The following AHSP variants were observed in gnomAD, a reference collection of about 807,000 sequenced individuals.
AHSP encodes alpha hemoglobin stabilizing protein.
In AHSP, 5 loss-of-function variants were observed where a neutral mutation model predicts 2.7. The observed-to-expected ratio is 1.86, with a 90% CI of 0.97 to 3.92. The LOEUF (loss-of-function observed/expected upper bound fraction) is 3.92, where lower values mean the gene tolerates loss of function less well. AHSP is among the 30% of genes most tolerant of loss of function. The probability of loss-of-function intolerance (pLI) is 0.00; values close to 1 mark genes in which losing one functional copy is unlikely to be tolerated. For missense variants in AHSP, 134 were observed against 119.8 expected (o/e 1.12, Z -0.55); for synonymous variants, 50 against 48.4 (o/e 1.03, Z -0.14).
chr16:31,528,285 G>T lies in AHSP; in HGVS notation c.75+71G>T. On this transcript the variant is annotated intron_variant, in intron 2 of 2. Transcript: ENST00000302312. ...GGGTGCCGGGGAAGTGGAGGAAGAG[G>T]ATAATTGGAGCTGGTGAAGTAATGG... 5 of 1,457,500 alleles carry T rather than the reference G, an allele frequency of 3.4e-6. 1 individual carries two copies. The Middle Eastern group carries it at 5.2e-4, about 152-fold the overall frequency. 90.3% of individuals were successfully genotyped at this position (1,457,500 alleles called of 1,614,324 possible).
chr16:31,528,385 A>G, intron 2 of AHSP, 73 bp from the exon 3 acceptor site: 1 of 1,408,666 alleles, frequency 7.1e-7, no homozygotes. Flanking sequence ...GTGCTGTGGC[A>G]CTATTCTAGT....
rs1490525862 is a variant in AHSP, at chr16:31,528,461, T to G, written c.79T>G (p.Phe27Val). The change falls in exon 3 of 3, where the codon TTC becomes GTC. Residue 27 changes from phenylalanine (F) to valine (V), a missense_variant. Coordinates refer to ENST00000302312, the MANE Select transcript of AHSP (RefSeq NM_016633.4). ...CTGCCTCTCCGCAACCCCCCAGGTCTTCAATGATCCTCTCGTCTCTGAAGA... is the reference window on the plus strand; with the variant it reads ...CTGCCTCTCCGCAACCCCCCAGGTCGTCAATGATCCTCTCGTCTCTGAAGA... ...EFSVLLNQQV[F>V]NDPLVSEEDM... 2 of 1,614,120 alleles carry G rather than the reference T, an allele frequency of 1.2e-6. No homozygotes were observed. The highest frequency in any genetic ancestry group is 1.7e-6 in the Non-Finnish European group (2 of 1,179,974).
chr16:31,528,063 A>G, intron 1 of AHSP, 73 bp from the exon 2 acceptor site: 2 of 1,215,446 alleles, frequency 1.6e-6, no homozygotes, highest in Admixed American at 3.4e-5. Flanking sequence ...TTTTAAGGGG[A>G]GGAAGTGGGT....
Position 31,528,639 on chromosome 16 carries a change from G to A in AHSP, c.257G>A (p.Arg86Lys), listed in dbSNP as rs757977169. 4 of 1,613,982 alleles carry A rather than the reference G, an allele frequency of 2.5e-6. No individual in the cohort carries two copies. The highest frequency in any genetic ancestry group is 3.3e-5 in the Admixed American group (2 of 60,030). The part of the protein sequence containing the change: ...TLANPFLAKY[R>K]DFLKSHELPS... Reference sequence around the variant, plus strand: ...GCCAACCCTTTCCTGGCCAAGTACAGGGACTTCCTGAAGTCTCATGAGCTC... The same window carrying A: ...GCCAACCCTTTCCTGGCCAAGTACAAGGACTTCCTGAAGTCTCATGAGCTC... Residue 86 changes from arginine to lysine, a missense_variant, in exon 3 of 3, where the codon AGG becomes AAG. Transcript: ENST00000302312.
chr16:31,528,322 G>T, intron 2 of AHSP, 108 bp downstream of exon 2: 1 of 1,323,874 alleles, frequency 7.6e-7, no homozygotes, highest in South Asian at 1.2e-5. Context: ...GGAGTTGATG[G>T]AAACAACGAG....
At position 31,528,613 on chromosome 16, in the gene AHSP, G is replaced by T. The variant is rs17677; in HGVS notation, c.231G>T (p.Leu77=). Residue 77 remains leucine, a synonymous_variant, in exon 3 of 3, where the codon CTG becomes CTT. Coordinates refer to ENST00000302312, the MANE Select transcript of AHSP (RefSeq NM_016633.4). ...AGCTTCGGCAAGAGCTGAACACTCTGGCCAACCCTTTCCTGGCCAAGTACA... is the reference window on the plus strand; with the variant it reads ...AGCTTCGGCAAGAGCTGAACACTCTTGCCAACCCTTTCCTGGCCAAGTACA... ...LQELRQELNT[L]ANPFLAKYRD... 310,898 of 1,613,762 alleles carry T rather than the reference G, an allele frequency of 0.19. 36,812 individuals are homozygous for T. The highest frequency in any genetic ancestry group is 0.47 in the South Asian group (42,431 of 91,070).
Position 31,528,615 on chromosome 16 carries a change from C to T in AHSP, c.233C>T (p.Ala78Val). 4 of 1,614,058 alleles carry T rather than the reference C, an allele frequency of 2.5e-6. No individual in the cohort carries two copies. The highest frequency in any genetic ancestry group is 2.2e-5 in the South Asian group (2 of 91,074). The change falls in exon 3 of 3, where the codon GCC becomes GTC. Residue 78 changes from alanine (A) to valine (V), a missense_variant. By Grantham distance (64) the Ala-to-Val change is moderately conservative (BLOSUM62 0). Coordinates refer to ENST00000302312, the MANE Select transcript of AHSP (RefSeq NM_016633.4). ...QELRQELNTLANPFLAKYRDF... is the reference protein window; with the variant it reads ...QELRQELNTLVNPFLAKYRDF... Reference sequence around the variant, plus strand: ...CTTCGGCAAGAGCTGAACACTCTGGCCAACCCTTTCCTGGCCAAGTACAGG... The same window carrying T: ...CTTCGGCAAGAGCTGAACACTCTGGTCAACCCTTTCCTGGCCAAGTACAGG...
In AHSP at chr16:31,528,653, T is replaced by C. The variant is rs1332401807; in HGVS notation, c.271T>C (p.Ser91Pro). ...GGCCAAGTACAGGGACTTCCTGAAG[T>C]CTCATGAGCTCCCGAGTCACCCACC... ...FLAKYRDFLK[S>P]HELPSHPPPS... Residue 91 changes from serine to proline, a missense_variant, in exon 3 of 3, where the codon TCT becomes CCT. By Grantham distance (74) the Ser-to-Pro change is moderately conservative (BLOSUM62 -1). Coordinates refer to ENST00000302312, the MANE Select transcript of AHSP (RefSeq NM_016633.4). 6.2e-7 allele frequency: 1 copy of C among 1,613,700 alleles called. No individual in the cohort carries two copies. Among genetic ancestry groups the C allele is most frequent in the Non-Finnish European group, 8.5e-7 (1 of 1,179,996 alleles).
intron 1 of AHSP, 67 bp from the exon 2 acceptor site, chr16:31,528,069 T>C: frequency 2.3e-6 from 3 of 1,287,630 alleles, no homozygotes; most frequent in Non-Finnish European, 3.4e-6. Flanking sequence ...GGGGAGGAAG[T>C]GGGTTGGGGG....
Position 31,528,525 on chromosome 16 carries a change from A to G in AHSP, c.143A>G (p.Tyr48Cys). ...GTGGTGGAGGACTGGATGAACTTCT[A>G]CATCAACTATTACAGGCAGCAGGTG... is the stretch of plus-strand genomic sequence containing the variant. ...VTVVEDWMNF[Y>C]INYYRQQVTG... The change falls in exon 3 of 3, where the codon TAC becomes TGC. Residue 48 changes from tyrosine to cysteine, a missense_variant. Physicochemically the swap from Tyr to Cys is radical, Grantham distance 194. Transcript: ENST00000302312. 6.2e-7 allele frequency: 1 copy of G among 1,614,164 alleles called. No individual in the cohort carries two copies. Among genetic ancestry groups the G allele is most frequent in the Non-Finnish European group, 8.5e-7 (1 of 1,180,016 alleles).
rs1418933500 is a variant in AHSP, at chr16:31,528,587, G to A, written c.205G>A (p.Glu69Lys). Reference protein sequence around the residue: ...EPQERDKALQELRQELNTLAN... With the variant: ...EPQERDKALQKLRQELNTLAN... ...CCAAGAGCGAGACAAGGCTCTGCAG[G>A]AGCTTCGGCAAGAGCTGAACACTCT... Residue 69 changes from glutamate (E) to lysine (K), a missense_variant, in exon 3 of 3, where the codon GAG (glutamate) becomes AAG (lysine). Glu to Lys is a moderately conservative substitution (Grantham distance 56, BLOSUM62 1). Coordinates refer to ENST00000302312, the MANE Select transcript of AHSP (RefSeq NM_016633.4). 6.2e-7 allele frequency: 1 copy of A among 1,613,994 alleles called. No individual in the cohort carries two copies. The highest frequency in any genetic ancestry group is 1.3e-5 in the African/African-American group (1 of 74,882).
Position 31,528,168 on chromosome 16 carries a change from T to C in AHSP, c.29T>C (p.Leu10Pro). 1 of 1,614,110 alleles carries C rather than the reference T, an allele frequency of 6.2e-7. No homozygotes were observed. Among genetic ancestry groups the C allele is most frequent in the Non-Finnish European group, 8.5e-7 (1 of 1,180,002 alleles). The change falls in exon 2 of 3, where the codon CTC (leucine) becomes CCC (proline). Residue 10 changes from leucine to proline, a missense_variant. Coordinates refer to ENST00000302312, the MANE Select transcript of AHSP (RefSeq NM_016633.4). Reference sequence around the variant, plus strand: ...GCTCTTCTTAAGGCCAATAAGGATCTCATTTCCGCAGGATTGAAGGAGTTC... The same window carrying C: ...GCTCTTCTTAAGGCCAATAAGGATCCCATTTCCGCAGGATTGAAGGAGTTC... The part of the protein sequence containing the change: MALLKANKD[L>P]ISAGLKEFSV...
chr16:31,528,797 T>C lies in AHSP; in HGVS notation c.*106T>C. On this transcript the variant is annotated 3_prime_UTR_variant, in exon 3 of 3. Transcript: ENST00000302312. ...CCTCAATAAAGACCAGTGCTGGTTT[T>C]GTTGGACTTCCTGGCTTCTCTTTCA... 1 of 1,071,840 alleles carries C rather than the reference T, an allele frequency of 9.3e-7. No homozygotes were observed. The highest frequency in any genetic ancestry group is 2.0e-5 in the Admixed American group (1 of 50,508). 66.4% of individuals were successfully genotyped at this position (1,071,840 alleles called of 1,614,324 possible). A position where few individuals can be genotyped will look rare whatever the true frequency, so the allele number is the denominator to read the frequency against.
rs762874313 is a variant in AHSP, at chr16:31,528,440, C to G, written c.76-18C>G. 2 of 1,610,326 alleles carry G rather than the reference C, an allele frequency of 1.2e-6. No homozygotes were observed. The highest frequency in any genetic ancestry group is 2.2e-5 in the South Asian group (2 of 90,910). On this transcript the variant is annotated intron_variant, in intron 2 of 2. Transcript: ENST00000302312. Reference sequence around the variant, plus strand: ...GACCACATTCTCCCTTGCCAACTGCCTCTCCGCAACCCCCCAGGTCTTCAA... The same window carrying G: ...GACCACATTCTCCCTTGCCAACTGCGTCTCCGCAACCCCCCAGGTCTTCAA...
chr16:31,528,213 A>T lies in AHSP; in HGVS notation c.74A>T (p.Gln25Leu), dbSNP rs1299497684. 1.2e-6 allele frequency: 2 copies of T among 1,613,802 alleles called. No individual in the cohort carries two copies. The highest frequency in any genetic ancestry group is 3.3e-5 in the Admixed American group (2 of 60,036). Residue 25 changes from glutamine (Q) to leucine (L), a missense_variant and splice_region_variant, in exon 2 of 3, where the codon CAG (glutamine) becomes CTG (leucine). Physicochemically the swap from Gln to Leu is moderately radical, Grantham distance 113. Transcript: ENST00000302312. ...LKEFSVLLNQQVFNDPLVSEE... is the reference protein window; with the variant it reads ...LKEFSVLLNQLVFNDPLVSEE... The stretch of plus-strand genomic sequence containing the variant: ...GAGTTCAGCGTTCTGCTGAATCAGC[A>T]GGTGAGTCCAAGCTTTCCATTTCAA...
intron 2 of AHSP, 80 bp from the exon 3 acceptor site, chr16:31,528,378 C>T: frequency 1.4e-6 from 2 of 1,380,682 alleles, no homozygotes; most frequent in Non-Finnish European, 2.1e-6. Context: ...AGAGTTGGTG[C>T]TGTGGCACTA....
Position 31,528,576 on chromosome 16 carries a change from A to T in AHSP, c.194A>T (p.Lys65Met), listed in dbSNP as rs147251409. ...QVTGEPQERD[K>M]ALQELRQELN... Reference sequence around the variant, plus strand: ...ACAGGGGAGCCCCAAGAGCGAGACAAGGCTCTGCAGGAGCTTCGGCAAGAG... The same window carrying T: ...ACAGGGGAGCCCCAAGAGCGAGACATGGCTCTGCAGGAGCTTCGGCAAGAG... Residue 65 changes from lysine (K) to methionine (M), a missense_variant, in exon 3 of 3, where the codon AAG becomes ATG. Lys to Met is a moderately conservative substitution (Grantham distance 95). Transcript: ENST00000302312. 3.2e-5 allele frequency: 52 copies of T among 1,614,000 alleles called. No homozygotes were observed. In the African/African-American group the frequency reaches 5.6e-4, roughly 17 times the overall value.
At chr16:31,528,035 C>T in intron 1 of AHSP, 73 bp downstream of exon 1, 1 of 977,396 alleles carries the variant, frequency 1.0e-6, no homozygotes, top group South Asian at 1.3e-5. Flanking sequence ...GGAGATAGCC[C>T]TGCAGGGCAG....
At chr16:31,528,059 G>C in intron 1 of AHSP, 77 bp from the exon 2 acceptor site, 1 of 1,183,182 alleles carries the variant, frequency 8.5e-7, no homozygotes, top group East Asian at 2.3e-5. Flanking sequence ...GGATTTTTAA[G>C]GGGAGGAAGT....
Sources: allele counts gnomAD v4.1 joint callset, GRCh38; gene constraint gnomAD v4.1.1; transcripts MANE v1.5; gene names NCBI Gene and HGNC (gene_info 2026-07-23, HGNC 2026-07-21).